The following CUBN variants were observed in gnomAD, a reference collection of about 807,000 sequenced individuals.
CUBN encodes the protein cubilin.
CUBN carries 282 observed loss-of-function variants against 405.3 expected under a neutral mutation model. The observed-to-expected ratio is 0.70, with a 90% CI of 0.63 to 0.77. The LOEUF is 0.77. CUBN is among the 30% of genes least tolerant of loss of function. CUBN has a pLI of 0.00. For synonymous variants in CUBN, 1,684 were observed against 1,617.0 expected (o/e 1.04, Z -0.99); for missense variants, 4,514 against 4,475.2 (o/e 1.01, Z -0.25).
At chr10:16,881,956 A>G (rs920345569) in intron 56 of CUBN, among the ~76,000 whole-genome samples, 7 of 152,340 alleles carry the variant, frequency 4.6e-5, no homozygotes, top group Middle Eastern at 6.8e-3. Flanking sequence ...TTGGTGACAG[A>G]CTAAAGGCAT....
chr10:17,068,127 T>C lies in CUBN; in HGVS notation c.2945A>G (p.His982Arg). 1 of 1,613,632 alleles carries C rather than the reference T, an allele frequency of 6.2e-7. No individual in the cohort carries two copies. The highest frequency in any genetic ancestry group is 1.1e-5 in the South Asian group (1 of 91,070). The change falls in exon 21 of 67, where the codon CAT becomes CGT. Residue 982 changes from histidine (H) to arginine (R), a missense_variant. Around this residue, in one of 5 missense-constraint regions of CUBN, gnomAD observed 1,448 missense variants for 1,388.0 expected, o/e 1.04. Coordinates refer to ENST00000377833, the MANE Select transcript of CUBN (RefSeq NM_001081.4). ...LMFETFHLEF[H>R]YNCTNDYLEV... ...CAAGTAGTCGTTTGTGCAATTGTAA[T>C]GAAACTCCAGATGAAATGTTTCGAA...
chr10:16,870,793 G>A (rs1840328285), intron 58 of CUBN, among the ~76,000 whole-genome samples: 1 of 152,152 alleles, frequency 6.6e-6, no homozygotes, highest in African/African-American at 2.4e-5. Context: ...TTGTTACTAT[G>A]TGCATAACCT....
intron 53 of CUBN, among the ~76,000 whole-genome samples, chr10:16,899,685 A>G (rs1841300781): frequency 6.6e-6 from 1 of 152,218 alleles, no homozygotes. Context: ...ATGGATCAAA[A>G]TTAATTATGT....
chr10:16,877,145 C>T (rs1200687175), intron 56 of CUBN, 48 bp from the exon 57 acceptor site: 1 of 1,504,734 alleles, frequency 6.6e-7, no homozygotes, highest in Non-Finnish European at 9.1e-7. Context: ...CCTACACAAA[C>T]AATTAAGGCC....
At position 16,900,734 on chromosome 10, in the gene CUBN, T is replaced by G; in HGVS notation, c.8301A>C (p.Ser2767=). ...SPIIGQYCGN[S]NPRTIQSGSN... ...AACCTGACTGTATTGTCCTGGGGTTTGAATTTCCACAGTATTGTCCTATGA... is the reference window on the plus strand; with the variant it reads ...AACCTGACTGTATTGTCCTGGGGTTGGAATTTCCACAGTATTGTCCTATGA... The change falls in exon 53 of 67, where the codon TCA becomes TCC. Residue 2767 remains serine, a synonymous_variant. Coordinates refer to ENST00000377833, the MANE Select transcript of CUBN (RefSeq NM_001081.4). 1 of 1,614,192 alleles carries G rather than the reference T, an allele frequency of 6.2e-7. No homozygotes were observed. The highest frequency in any genetic ancestry group is 8.5e-7 in the Non-Finnish European group (1 of 1,180,006).
chr10:16,974,449 A>G (rs1276828277), intron 31 of CUBN, among the ~76,000 whole-genome samples: 1 of 150,124 alleles, frequency 6.7e-6, no homozygotes, highest in African/African-American at 2.5e-5. Flanking sequence ...TTTGAGAGGG[A>G]GTCTCACTCT....
chr10:16,964,490 T>C (rs1265375214), intron 31 of CUBN, among the ~76,000 whole-genome samples: 1 of 152,210 alleles, frequency 6.6e-6, no homozygotes, highest in African/African-American at 2.4e-5. Context: ...TGTATGTGTG[T>C]GTTTGTGAGG....
In CUBN at chr10:17,070,916, G is replaced by A. The variant is rs559382226; in HGVS notation, c.2625+510C>T. Reference sequence around the variant, plus strand: ...GTGTAATGCTGAATAGAAGTAGTGAGAACAGACGTTCTTGTCTTTTTGTGA... The same window carrying A: ...GTGTAATGCTGAATAGAAGTAGTGAAAACAGACGTTCTTGTCTTTTTGTGA... On this transcript the variant is annotated intron_variant, in intron 19 of 66. Coordinates refer to ENST00000377833, the MANE Select transcript of CUBN (RefSeq NM_001081.4). 6.6e-5 allele frequency among the ~76,000 whole-genome samples: 10 copies of A among 152,286 alleles called. No homozygotes were observed. The East Asian group carries it at 1.7e-3, about 26-fold the overall frequency.
intron 57 of CUBN, among the ~76,000 whole-genome samples, chr10:16,876,376 G>C (rs1263531073): frequency 6.6e-6 from 1 of 152,200 alleles, no homozygotes. Context: ...CTTTGCCTTT[G>C]ATGCAGAGAA....
At chr10:16,984,405 C>T in intron 29 of CUBN, 126 bp from the exon 30 acceptor site, 1 of 940,538 alleles carries the variant, frequency 1.1e-6, no homozygotes, top group Non-Finnish European at 1.7e-6. Context: ...ATCTCAGCCT[C>T]CCTGGGTGGG....
rs757185023 is a variant in CUBN, at chr10:17,068,250, C to T, written c.2822G>A (p.Gly941Glu). Residue 941 changes from glycine (G) to glutamate (E), a missense_variant, in exon 21 of 67, where the codon GGG becomes GAG. By Grantham distance (98) the Gly-to-Glu change is moderately conservative (BLOSUM62 -2). Transcript: ENST00000377833. ...ACGEILTESTGTIQSPGHPNV... is the reference protein window; with the variant it reads ...ACGEILTESTETIQSPGHPNV... ...TGGATGGCCAGGACTTTGAATGGTCCCTGTTGATTCTGTAAGAATTTCTCC... is the reference window on the plus strand; with the variant it reads ...TGGATGGCCAGGACTTTGAATGGTCTCTGTTGATTCTGTAAGAATTTCTCC... 1.9e-6 allele frequency: 3 copies of T among 1,613,420 alleles called. No individual in the cohort carries two copies. Among genetic ancestry groups the T allele is most frequent in the African/African-American group, 2.7e-5 (2 of 74,828 alleles).
chr10:16,901,918 T>TACACAC (rs1554790402), intron 51 of CUBN, among the ~76,000 whole-genome samples: 9 of 109,894 alleles, frequency 8.2e-5, no homozygotes, highest in African/African-American at 3.4e-4. Flanking sequence ...TATATATATA[T>TACACAC]ACACACACAC....
At chr10:16,831,580 A>C (rs1045430936) in intron 64 of CUBN, among the ~76,000 whole-genome samples, 163 bp from the exon 65 acceptor site, 6 of 152,242 alleles carry the variant, frequency 3.9e-5, no homozygotes, top group African/African-American at 1.2e-4. Flanking sequence ...AGTCACCTTC[A>C]CTTGCAAAGG....
chr10:16,963,901 T>C (rs1310768724), intron 31 of CUBN, among the ~76,000 whole-genome samples: 1 of 152,210 alleles, frequency 6.6e-6, no homozygotes, highest in East Asian at 1.9e-4. Flanking sequence ...GAAAAAACTA[T>C]AAAAACCTTC....
chr10:16,891,956 G>A (rs577261089), intron 54 of CUBN, among the ~76,000 whole-genome samples: 26 of 152,276 alleles, frequency 1.7e-4, no homozygotes, highest in African/African-American at 6.0e-4. Context: ...AGTTGGATGT[G>A]TATTAATCTT....
At chr10:16,886,729 C>T (rs777881570) in intron 56 of CUBN, among the ~76,000 whole-genome samples, 6 of 152,124 alleles carry the variant, frequency 3.9e-5, no homozygotes, top group Admixed American at 2.0e-4. Context: ...TGAAGATGAC[C>T]GAGATGGAGC....
intron 25 of CUBN, among the ~76,000 whole-genome samples, 164 bp from the exon 26 acceptor site, chr10:17,044,147 T>G (rs559758631): frequency 8.0e-4 from 118 of 146,878 alleles, no homozygotes; most frequent in African/African-American, 2.2e-3. Context: ...ATATTCATTA[T>G]ATATAATATA....
At position 17,043,964 on chromosome 10, in the gene CUBN, C is replaced by T. The variant is rs150277370; in HGVS notation, c.3692G>A (p.Ser1231Asn). The change falls in exon 26 of 67, where the codon AGC (serine) becomes AAC (asparagine). Residue 1231 changes from serine (S) to asparagine (N), a missense_variant. Transcript: ENST00000377833. ...DYLAVYDGPS[S>N]NSHLLTQLCG... ...AAGCTGAGTTAGCAGATGAGAGTTGCTACTTGGGCCATCATATACCTTTAA... is the reference window on the plus strand; with the variant it reads ...AAGCTGAGTTAGCAGATGAGAGTTGTTACTTGGGCCATCATATACCTTTAA... The T allele has an allele frequency of 1.0e-4, 165 of 1,613,082 alleles. No homozygotes were observed. The highest frequency in any genetic ancestry group is 1.3e-4 in the Non-Finnish European group (157 of 1,179,514).
At chr10:16,987,600 C>G (rs2131708436) in intron 29 of CUBN, among the ~76,000 whole-genome samples, 1 of 152,238 alleles carries the variant, frequency 6.6e-6, no homozygotes, top group Non-Finnish European at 1.5e-5. Context: ...CCAGGTAAGC[C>G]CAATACTTAG....
Sources: gnomAD v4.1 joint callset for allele counts (sites outside exome capture counted in the v4.1 genomes callset) on GRCh38, gnomAD v4.1.1 for gene constraint, gnomAD v4.1.1 regional missense constraint, MANE v1.5 for transcripts, NCBI Gene and HGNC (gene_info 2026-07-23, HGNC 2026-07-21) for gene names.